Variants in CNTN5 observed in about 807,000 individuals in gnomAD.
CNTN5 encodes the protein contactin 5, also known as contactin-5.
Under a neutral mutation model 129.1 loss-of-function variants are expected in CNTN5, and 77 were observed. The ratio of observed to expected loss-of-function variants is 0.60; its 90% confidence interval spans 0.50 to 0.72. CNTN5 has a LOEUF of 0.72. Ranked by LOEUF, CNTN5 falls within the 30% of genes least tolerant of loss-of-function variation. The probability of loss-of-function intolerance (pLI) is 0.00; values close to 1 mark genes in which losing one functional copy is unlikely to be tolerated. For synonymous variants in CNTN5, 509 were observed against 465.6 expected, an observed-to-expected ratio of 1.09 and a Z score of -1.20; for missense variants, 1,478 against 1,328.8, an observed-to-expected ratio of 1.11 and a Z score of -1.75.
intron 13 of CNTN5, among the ~76,000 whole-genome samples, chr11:100,085,180 T>C (rs1052434154): frequency 6.6e-6 from 1 of 152,014 alleles, no homozygotes; most frequent in African/African-American, 2.4e-5. Context: ...CGGTCTTTTT[T>C]TCTGGGATAT....
At chr11:99,330,144 C>T (rs1372131178) in intron 2 of CNTN5, among the ~76,000 whole-genome samples, 2 of 92,582 alleles carry the variant, frequency 2.2e-5, no homozygotes, top group African/African-American at 8.3e-5. Context: ...AAGAAGGAAA[C>T]AAGAAAAGAA....
intron 6 of CNTN5, among the ~76,000 whole-genome samples, chr11:99,857,706 C>A (rs891736695): frequency 2.0e-5 from 3 of 151,872 alleles, no homozygotes; most frequent in South Asian, 2.1e-4. Context: ...AACTAAGATA[C>A]CCCCGAAAAA....
chr11:99,844,654 T>C, intron 4 of CNTN5, 198 bp from the exon 5 acceptor site: 1 of 569,642 alleles, frequency 1.8e-6, no homozygotes, highest in South Asian at 2.0e-5. Flanking sequence ...GCATTTTTAG[T>C]TGATTAAAAA....
At chr11:99,358,006 A>AAATAAT (rs1040843972) in intron 2 of CNTN5, among the ~76,000 whole-genome samples, 1 of 147,574 alleles carries the variant, frequency 6.8e-6, no homozygotes, top group African/African-American at 2.5e-5. Flanking sequence ...TCTGTCTCAA[A>AAATAAT]AATAATAATA....
chr11:99,762,648 A>G (rs1419019344), intron 3 of CNTN5, among the ~76,000 whole-genome samples: 1 of 152,044 alleles, frequency 6.6e-6, no homozygotes, highest in East Asian at 1.9e-4. Context: ...TACCAGTACC[A>G]TGCTGTTTTG....
chr11:99,952,272 A>T (rs919077883), intron 7 of CNTN5, among the ~76,000 whole-genome samples: 1 of 152,186 alleles, frequency 6.6e-6, no homozygotes, highest in Admixed American at 6.5e-5. Flanking sequence ...GAAAATTTTT[A>T]AAACCCTATT....
In CNTN5 at chr11:99,567,604, AGT is replaced by A. The variant is rs549015537; in HGVS notation, c.55+11338_55+11339del. Among the ~76,000 whole-genome samples, 134 of 152,272 alleles carry A rather than the reference AGT, an allele frequency of 8.8e-4. 2 individuals carry two copies. The South Asian group carries it at 0.018, about 20-fold the overall frequency. On this transcript the variant is annotated intron_variant, in intron 3 of 24. Coordinates refer to ENST00000524871, the MANE Select transcript of CNTN5 (RefSeq NM_014361.4). ...ACTTCCAAAGGAAAATGAAAATAGAAGTGTTACAGAAAACAGGTGCCTGCTAA... is the reference window on the plus strand; with the variant it reads ...ACTTCCAAAGGAAAATGAAAATAGAAGTTACAGAAAACAGGTGCCTGCTAA...
intron 8 of CNTN5, among the ~76,000 whole-genome samples, chr11:99,987,502 A>G (rs929462761): frequency 2.0e-5 from 3 of 146,974 alleles, no homozygotes; most frequent in Non-Finnish European, 4.5e-5. Flanking sequence ...TACATTATAT[A>G]TACTTGCATT....
intron 13 of CNTN5, among the ~76,000 whole-genome samples, chr11:100,129,224 G>A (rs146774319): frequency 4.6e-5 from 7 of 152,040 alleles, no homozygotes; most frequent in Admixed American, 2.0e-4. Context: ...TATAGCGTGC[G>A]TTATGCCAGT....
chr11:99,632,745 A>G (rs763267562), intron 3 of CNTN5, among the ~76,000 whole-genome samples: 2 of 152,216 alleles, frequency 1.3e-5, no homozygotes, highest in Non-Finnish European at 2.9e-5. Flanking sequence ...CATTATGTAT[A>G]GAGAAAAGTC....
At chr11:100,162,461 C>T (rs1414204327) in intron 13 of CNTN5, among the ~76,000 whole-genome samples, 3 of 151,754 alleles carry the variant, frequency 2.0e-5, no homozygotes, top group Non-Finnish European at 4.4e-5. Flanking sequence ...TGTTTACAAA[C>T]AGAAACTAGC....
At chr11:100,301,627 A>C (rs1951222060) in intron 20 of CNTN5, among the ~76,000 whole-genome samples, 1 of 151,660 alleles carries the variant, frequency 6.6e-6, no homozygotes, top group African/African-American at 2.4e-5. Context: ...CAAATGTGGA[A>C]CTTTATATGT....
At chr11:99,911,848 C>A (rs1255465266) in intron 6 of CNTN5, among the ~76,000 whole-genome samples, 1 of 151,878 alleles carries the variant, frequency 6.6e-6, no homozygotes, top group Non-Finnish European at 1.5e-5. Context: ...CAGGAGAAAT[C>A]CCCTTAGGAT....
At chr11:99,071,415 A>G (rs971434387) in intron 1 of CNTN5, among the ~76,000 whole-genome samples, 1 of 152,170 alleles carries the variant, frequency 6.6e-6, no homozygotes, top group African/African-American at 2.4e-5. Flanking sequence ...CCACAAAACC[A>G]GGACAAAGGG....
chr11:100,200,222 C>G lies in CNTN5; in HGVS notation c.1884+6559C>G, dbSNP rs530168799. 3.3e-5 allele frequency among the ~76,000 whole-genome samples: 5 copies of G among 151,944 alleles called. No individual in the cohort carries two copies. The South Asian group carries it at 1.0e-3, about 32-fold the overall frequency. On this transcript the variant is annotated intron_variant, in intron 15 of 24. Coordinates refer to ENST00000524871, the MANE Select transcript of CNTN5 (RefSeq NM_014361.4). ...GTAGTGCTGTATTGATTGCCCATCT[C>G]CACTTTACTCTAATTAGCAGATTTT...
chr11:99,714,609 T>G (rs573561500), intron 3 of CNTN5, among the ~76,000 whole-genome samples: 1 of 151,940 alleles, frequency 6.6e-6, no homozygotes, highest in Non-Finnish European at 1.5e-5. Flanking sequence ...CATTTAAATA[T>G]AGATTTTATT....
chr11:100,275,193 T>G (rs1019369785), intron 18 of CNTN5, among the ~76,000 whole-genome samples: 3 of 152,236 alleles, frequency 2.0e-5, no homozygotes, highest in African/African-American at 7.2e-5. Flanking sequence ...TATAAGTTGT[T>G]TTTTTCTGCT....
At chr11:99,119,622 G>A (rs903642010) in intron 1 of CNTN5, among the ~76,000 whole-genome samples, 1 of 152,072 alleles carries the variant, frequency 6.6e-6, no homozygotes, top group African/African-American at 2.4e-5. Context: ...CTTTATGATA[G>A]AACAATTTAT....
rs183635124 is a variant in CNTN5, at chr11:99,103,783, T to C, written c.-210+82513T>C. ...GTCCTTCAAAAAAAAAAAAAAGATGTAGATAGAGAAAGAGACACATAGGGG... is the reference window on the plus strand; with the variant it reads ...GTCCTTCAAAAAAAAAAAAAAGATGCAGATAGAGAAAGAGACACATAGGGG... On this transcript the variant is annotated intron_variant, in intron 1 of 24. Transcript: ENST00000524871. Among the ~76,000 whole-genome samples the C allele has an allele frequency of 1.6e-3, 243 of 147,340 alleles. 6 individuals carry two copies. The highest frequency in any genetic ancestry group is 0.016 in the Admixed American group (235 of 14,856).
Sources: allele counts gnomAD v4.1 joint callset (sites outside exome capture counted in the v4.1 genomes callset), GRCh38; gene constraint gnomAD v4.1.1; transcripts MANE v1.5; gene names NCBI Gene and HGNC (gene_info 2026-07-23, HGNC 2026-07-21).